ACOT2: variants seen among roughly 807,000 people sequenced by gnomAD.
ACOT2 encodes the protein acyl-CoA thioesterase 2.
A neutral mutation model predicts 20.1 loss-of-function variants in ACOT2; 15 were observed. The ratio of observed to expected loss-of-function variants is 0.75; its 90% CI spans 0.50 to 1.15. ACOT2 has a LOEUF of 1.15. ACOT2 is among the 50% of genes most tolerant of loss of function. The pLI is 0.00. For synonymous variants in ACOT2, 252 were observed against 268.4 expected (o/e 0.94, Z 0.60); for missense variants, 479 against 615.3 (o/e 0.78, Z 2.34).
chr14:73,569,972 C>CA, intron 1 of ACOT2, 89 bp downstream of exon 1: 1 of 1,464,502 alleles, frequency 6.8e-7, no homozygotes, highest in Non-Finnish European at 9.0e-7. Context: ...ATGTGTATGC[C>CA]CCCCCGCCGC....
chr14:73,572,118 T>G (rs149073387), intron 1 of ACOT2, among the ~76,000 whole-genome samples: 15,987 of 127,748 alleles, frequency 0.13, 2,093 homozygotes, highest in African/African-American at 0.37. Flanking sequence ...ACTTACAAAG[T>G]TAAATATGTT....
chr14:73,573,759 ACT>A (rs1477580172), intron 2 of ACOT2, among the ~76,000 whole-genome samples, 169 bp downstream of exon 2: 1 of 151,188 alleles, frequency 6.6e-6, no homozygotes. Context: ...ATGGAGTCTC[ACT>A]CTGTTGCCAG....
chr14:73,573,186 T>C (rs1240915735), intron 1 of ACOT2, among the ~76,000 whole-genome samples: 3 of 152,112 alleles, frequency 2.0e-5, no homozygotes, highest in East Asian at 1.9e-4. Flanking sequence ...ATTTGGGTTG[T>C]TTCCAGTCTT....
chr14:73,571,488 G>T (rs929906259), intron 1 of ACOT2: 1 of 152,156 alleles, frequency 6.6e-6, no homozygotes, highest in East Asian at 1.9e-4. Context: ...CAAGACTAGG[G>T]AAAAGCCTGG....
intron 1 of ACOT2, among the ~76,000 whole-genome samples, chr14:73,570,443 C>T (rs1441967984): frequency 6.6e-6 from 1 of 151,888 alleles, no homozygotes; most frequent in Admixed American, 6.6e-5. Flanking sequence ...GTAGCGGGCG[C>T]CTGTAGTCCC....
chr14:73,571,041 G>C (rs1889733497), intron 1 of ACOT2: 2 of 151,082 alleles, frequency 1.3e-5, no homozygotes, highest in South Asian at 4.2e-4. Flanking sequence ...GCAGCTAGGA[G>C]GTGCCAGGTG....
chr14:73,569,907 C>A lies in ACOT2; in HGVS notation c.643+24C>A, dbSNP rs771396299. 6 of 1,595,100 alleles carry A rather than the reference C, an allele frequency of 3.8e-6. No individual in the cohort carries two copies. The Admixed American group carries it at 6.9e-5, about 18-fold the overall frequency. ...AGGTGACTCACCTCCGCTAATTGTT[C>A]CGTGTTCGTTCGCCTTTCACTTTGT... On this transcript the variant is annotated intron_variant, in intron 1 of 2. Transcript: ENST00000238651.
chr14:73,572,909 G>A (rs1277880533), intron 1 of ACOT2, among the ~76,000 whole-genome samples: 1 of 150,886 alleles, frequency 6.6e-6, no homozygotes, highest in Non-Finnish European at 1.5e-5. Flanking sequence ...GCCTCCCAAA[G>A]TGCTGGGGTT....
chr14:73,574,707 G>A (rs931998059), intron 2 of ACOT2, among the ~76,000 whole-genome samples: 2 of 152,038 alleles, frequency 1.3e-5, no homozygotes, highest in African/African-American at 2.4e-5. Flanking sequence ...TCTTCCACAT[G>A]GTTATCACCA....
intron 1 of ACOT2, among the ~76,000 whole-genome samples, chr14:73,570,110 CTTTTT>C (rs60839743): frequency 7.1e-6 from 1 of 140,606 alleles, no homozygotes; most frequent in African/African-American, 2.5e-5. Context: ...GGGAGTTACA[CTTTTT>C]TTTTTTTTCC....
upstream of ACOT2, chr14:73,567,635 C>T (rs532855306): frequency 4.6e-5 from 7 of 152,062 alleles, no homozygotes; most frequent in African/African-American, 1.7e-4. Context: ...GCGTGAGTTC[C>T]GCTCCAGGCT....
intron 2 of ACOT2, chr14:73,574,474 A>T: frequency 3.2e-6 from 1 of 310,842 alleles, no homozygotes; most frequent in South Asian, 3.2e-5. Flanking sequence ...TGTTGGCCAG[A>T]CTGATCTCAA....
chr14:73,571,042 G>A (rs1292500973), intron 1 of ACOT2: 1 of 150,064 alleles, frequency 6.7e-6, no homozygotes, highest in Non-Finnish European at 1.5e-5. Flanking sequence ...CAGCTAGGAG[G>A]TGCCAGGTGG....
rs138474239 is a variant in ACOT2 at position 73,573,450 on chromosome 14, C to G, written c.706C>G (p.Arg236Gly). ...AACTGGAGGTGGCCTGCTGGAGTAT[C>G]GGGCTAGTCTGCTGGCTGGGAAGGG... ...FGTGGGLLEY[R>G]ASLLAGKGFA... is the part of the protein sequence containing the mutation. Residue 236 changes from arginine to glycine, a missense_variant, in exon 2 of 3, where the codon CGG becomes GGG. Physicochemically the swap from Arg to Gly is moderately radical, Grantham distance 125 (BLOSUM62 -2). Around this residue, in one of 4 missense-constraint regions of ACOT2, gnomAD observed 400 missense variants for 395.5 expected, o/e 1.01. Transcript: ENST00000238651. 1.9e-6 allele frequency: 3 copies of G among 1,613,688 alleles called. No homozygotes were observed. The highest frequency in any genetic ancestry group is 2.2e-5 in the South Asian group (2 of 91,032).
rs1181388230 is a variant in ACOT2 at position 73,569,475 on chromosome 14, G to A, written c.235G>A (p.Glu79Lys). 5 of 1,613,016 alleles carry A rather than the reference G, an allele frequency of 3.1e-6. No individual in the cohort carries two copies. The highest frequency in any genetic ancestry group is 1.1e-5 in the South Asian group (1 of 91,036). ...LEPAGRCCWD[E>K]PVRIAVRGLA... ...GCCTGCGGGCCGCTGCTGCTGGGAC[G>A]AACCGGTGCGAATCGCCGTGCGCGG... The change falls in exon 1 of 3, where the codon GAA becomes AAA. Residue 79 changes from glutamate (E) to lysine (K), a missense_variant. Physicochemically the swap from Glu to Lys is moderately conservative, Grantham distance 56. Around this residue, in one of 4 missense-constraint regions of ACOT2, gnomAD observed 400 missense variants for 395.5 expected, o/e 1.01. Transcript: ENST00000238651.
At chr14:73,572,656 T>G (rs1402985375) in intron 1 of ACOT2, among the ~76,000 whole-genome samples, 1 of 133,098 alleles carries the variant, frequency 7.5e-6, no homozygotes, top group South Asian at 2.6e-4. Context: ...TTTTTTTTTT[T>G]TTTTTTTTTG....
chr14:73,569,080 T>A, upstream of ACOT2: 2 of 885,602 alleles, frequency 2.3e-6, no homozygotes, highest in East Asian at 2.6e-5. Context: ...AGGAAGTAGC[T>A]TTCCAACATA....
At chr14:73,572,248 TAGAAC>T (rs1254347392) in intron 1 of ACOT2, among the ~76,000 whole-genome samples, 1 of 139,286 alleles carries the variant, frequency 7.2e-6, no homozygotes, top group Non-Finnish European at 1.5e-5. Context: ...CCATCAACAA[TAGAAC>T]AGATTAATAA....
At chr14:73,570,967 A>G (rs1198788507) in intron 1 of ACOT2, among the ~76,000 whole-genome samples, 1 of 137,196 alleles carries the variant, frequency 7.3e-6, no homozygotes, top group African/African-American at 2.7e-5. Context: ...TGTATTGACT[A>G]GGAAGCCACT....
Sources: allele counts gnomAD v4.1 joint callset (sites outside exome capture counted in the v4.1 genomes callset), GRCh38; gene constraint gnomAD v4.1.1; regional missense constraint gnomAD v4.1.1; transcripts MANE v1.5; gene names NCBI Gene and HGNC (gene_info 2026-07-23, HGNC 2026-07-21).